Variants in CC2D1A observed in about 807,000 individuals in gnomAD.
CC2D1A encodes coiled-coil and C2 domain-containing protein 1A.
In CC2D1A, 68 loss-of-function variants were observed where a neutral mutation model predicts 123.8. That is an observed-to-expected ratio of 0.55 (90% CI 0.45 to 0.67). The LOEUF (loss-of-function observed/expected upper bound fraction) is 0.67. CC2D1A is among the 30% of genes least tolerant of loss of function. The pLI, the probability that CC2D1A is intolerant of heterozygous loss-of-function variation, is 0.00. For synonymous variants in CC2D1A, 477 were observed against 528.0 expected (o/e 0.90, Z 1.32); for missense variants, 1,185 against 1,290.3 (o/e 0.92, Z 1.25).
rs1304620367 is a variant in CC2D1A, at chr19:13,926,030, A to ATATATATATACATATATGTGTG, written c.1941-477_1941-476insCATATATGTGTGTATATATATA. On this transcript the variant is annotated intron_variant, in intron 17 of 28. Coordinates refer to ENST00000318003, the MANE Select transcript of CC2D1A (RefSeq NM_017721.5). ...TATATATATACGTATATATATGTGT[A>ATATATATATACATATATGTGTG]TATATATATATATACACGTATATAT... Among the ~76,000 whole-genome samples, 538 of 87,602 alleles carry ATATATATATACATATATGTGTG rather than the reference A, an allele frequency of 6.1e-3. 61 individuals carry two copies. The highest frequency in any genetic ancestry group is 0.036 in the African/African-American group (487 of 13,546). The allele number at this position is 87,602 out of a possible 152,430, so 57.5% of individuals were successfully genotyped here. A position where few individuals can be genotyped will look rare whatever the true frequency, so the allele number is the denominator to read the frequency against.
At chr19:13,913,353 C>G (rs750683841) in intron 5 of CC2D1A, 51 bp downstream of exon 5, 11 of 1,607,826 alleles carry the variant, frequency 6.8e-6, no homozygotes, top group Non-Finnish European at 8.5e-6. Flanking sequence ...CCCCGATGCC[C>G]TGCACCAAGC....
intron 2 of CC2D1A, among the ~76,000 whole-genome samples, chr19:13,911,706 A>ATTT (rs1055273535): frequency 1.9e-4 from 17 of 88,552 alleles, no homozygotes; most frequent in Non-Finnish European, 3.1e-4. Context: ...TGCCCAGCTA[A>ATTT]TTTTTTTTTT....
At chr19:13,914,533 ACT>A (rs1971132870) in intron 6 of CC2D1A, among the ~76,000 whole-genome samples, 1 of 150,422 alleles carries the variant, frequency 6.6e-6, no homozygotes, top group Admixed American at 6.7e-5. Flanking sequence ...ACGGGGTTTC[ACT>A]GTGTTAGCCA....
At chr19:13,907,535 T>C (rs1053193830) in intron 1 of CC2D1A, among the ~76,000 whole-genome samples, 3 of 152,098 alleles carry the variant, frequency 2.0e-5, no homozygotes, top group African/African-American at 7.2e-5. Context: ...TAGCTGGGCA[T>C]GGTGGCGGGC....
At position 13,906,845 on chromosome 19, in the gene CC2D1A, C is replaced by G. The variant is rs921036336; in HGVS notation, c.60+344C>G. Among the ~76,000 whole-genome samples, 1 of 152,222 alleles carries G rather than the reference C, an allele frequency of 6.6e-6. No individual in the cohort carries two copies. Among genetic ancestry groups the G allele is most frequent in the Non-Finnish European group, 1.5e-5 (1 of 68,038 alleles). On this transcript the variant is annotated intron_variant, in intron 1 of 28. Coordinates refer to ENST00000318003, the MANE Select transcript of CC2D1A (RefSeq NM_017721.5). This position sits in a 1 kb window ranked among gnomAD's most constrained non-coding sequence, Gnocchi z 4.1. ...AGATGAGGACTTTGAGACTCAGAGA[C>G]GTGAAGACATCTGCCCAAGGTCATA...
Position 13,919,160 on chromosome 19 carries a change from G to C in CC2D1A, c.1180G>C (p.Ala394Pro). Reference sequence around the variant, plus strand: ...CCAAGATGCCATCCGAGCCCACAAGGCTGGCCGAGCCGTGGATGTCGCTGA... The same window carrying C: ...CCAAGATGCCATCCGAGCCCACAAGCCTGGCCGAGCCGTGGATGTCGCTGA... Reference protein sequence around the residue: ...QYQDAIRAHKAGRAVDVAELP... With the variant: ...QYQDAIRAHKPGRAVDVAELP... The change falls in exon 11 of 29, where the codon GCT (alanine) becomes CCT (proline). Residue 394 changes from alanine to proline, a missense_variant. Transcript: ENST00000318003. 1.2e-6 allele frequency: 2 copies of C among 1,612,650 alleles called. No individual in the cohort carries two copies. Among genetic ancestry groups the C allele is most frequent in the Non-Finnish European group, 1.7e-6 (2 of 1,179,510 alleles).
rs368763604 is a variant in CC2D1A at position 13,918,186 on chromosome 19, G to T, written c.865G>T (p.Val289Leu). Residue 289 changes from valine to leucine, a missense_variant, in exon 7 of 29, where the codon GTG becomes TTG. Transcript: ENST00000318003. The part of the protein sequence containing the change: ...DTTAAARHFR[V>L]AKSFDAVLEA... ...CACTGCTGCCGCTAGACACTTCCGC[G>T]TGGCTAAGGTGCGTCCAGCCTGACG... The T allele has an allele frequency of 1.9e-6, 3 of 1,586,826 alleles. No homozygotes were observed. Among genetic ancestry groups the T allele is most frequent in the Middle Eastern group, 1.9e-4 (1 of 5,170 alleles).
At position 13,923,351 on chromosome 19, in the gene CC2D1A, A is replaced by T. The variant is rs1333467301; in HGVS notation, c.1660A>T (p.Asn554Tyr). The T allele has an allele frequency of 1.2e-6, 2 of 1,609,500 alleles. No individual in the cohort carries two copies. Among genetic ancestry groups the T allele is most frequent in the Non-Finnish European group, 1.7e-6 (2 of 1,179,834 alleles). Residue 554 changes from asparagine to tyrosine, a missense_variant, in exon 15 of 29, where the codon AAC (asparagine) becomes TAC (tyrosine). Asn to Tyr is a moderately radical substitution (Grantham distance 143). Transcript: ENST00000318003. This position sits in a 1 kb window ranked among gnomAD's most constrained non-coding sequence, Gnocchi z 5.3. Reference sequence around the variant, plus strand: ...TCCCCAGGTGCCGCCTGCCCCTGTCAACAAGGACGACTTTGCCCTGGTCCA... The same window carrying T: ...TCCCCAGGTGCCGCCTGCCCCTGTCTACAAGGACGACTTTGCCCTGGTCCA... ...DITKVPPAPV[N>Y]KDDFALVQRP...
In CC2D1A at chr19:13,923,801, A is replaced by G; in HGVS notation, c.1930A>G (p.Ser644Gly). 1 of 1,612,864 alleles carries G rather than the reference A, an allele frequency of 6.2e-7. No homozygotes were observed. The highest frequency in any genetic ancestry group is 8.5e-7 in the Non-Finnish European group (1 of 1,178,892). Reference protein sequence around the residue: ...PTARFEQRTFSVIKIFPDLSS... With the variant: ...PTARFEQRTFGVIKIFPDLSS... ...CGCCCGCTTTGAGCAAAGGACCTTC[A>G]GCGTCATCAAGTAAGGCTCCTGATC... Residue 644 changes from serine to glycine, a missense_variant, in exon 17 of 29, where the codon AGC (serine) becomes GGC (glycine). Transcript: ENST00000318003. This position sits in a 1 kb window ranked among gnomAD's most constrained non-coding sequence, Gnocchi z 5.3.
Position 13,926,553 on chromosome 19 carries a change from C to T in CC2D1A, c.1977C>T (p.Leu659=), listed in dbSNP as rs1222388167. The T allele has an allele frequency of 1.2e-6, 2 of 1,614,060 alleles. No individual in the cohort carries two copies. Among genetic ancestry groups the T allele is most frequent in the Admixed American group, 1.7e-5 (1 of 60,006 alleles). The change falls in exon 18 of 29, where the codon CTC becomes CTT. Residue 659 remains leucine, a synonymous_variant. Transcript: ENST00000318003. ...ACCTCAGCAGCAACGACATGCTCCT[C>T]TTCATCGTGAAGGGCATCAACTTGC... ...FPDLSSNDML[L]FIVKGINLPT...
At position 13,908,633 on chromosome 19, in the gene CC2D1A, T is replaced by G. The variant is rs562072274; in HGVS notation, c.61-1190T>G. Among the ~76,000 whole-genome samples the G allele has an allele frequency of 5.3e-5, 8 of 150,840 alleles. No individual in the cohort carries two copies. In the South Asian group the frequency reaches 1.1e-3, roughly 20 times the overall value. On this transcript the variant is annotated intron_variant, in intron 1 of 28. Transcript: ENST00000318003. The stretch of plus-strand genomic sequence containing the variant: ...AGACACCGCCAGCACTCCCAGCTAA[T>G]TTTTGTATTTTTAGTAGAGACGGGG...
chr19:13,914,453 G>C (rs1009109036), intron 6 of CC2D1A, among the ~76,000 whole-genome samples: 4 of 151,270 alleles, frequency 2.6e-5, no homozygotes, highest in Non-Finnish European at 4.4e-5. Context: ...TCCTGCCTCA[G>C]CCTCCTGAGT....
chr19:13,920,690 C>T lies in CC2D1A; in HGVS notation c.1468+22C>T, dbSNP rs183605364. ...AGAGGTAAGTTCCCCCTCCCCGCCCCAGCTGCCTGTTGCCTGGCTGTGGCC... is the reference window on the plus strand; with the variant it reads ...AGAGGTAAGTTCCCCCTCCCCGCCCTAGCTGCCTGTTGCCTGGCTGTGGCC... On this transcript the variant is annotated intron_variant, in intron 13 of 28. Transcript: ENST00000318003. The T allele has an allele frequency of 2.2e-3, 3,472 of 1,608,706 alleles. 5 individuals are homozygous for T. The highest frequency in any genetic ancestry group is 2.6e-3 in the Non-Finnish European group (3,031 of 1,177,266).
At chr19:13,928,748 G>A (rs1232854825) in intron 24 of CC2D1A, among the ~76,000 whole-genome samples, 1 of 132,232 alleles carries the variant, frequency 7.6e-6, no homozygotes, top group African/African-American at 2.9e-5. Flanking sequence ...TAGCTCTGTC[G>A]CCCAGGCTAG....
In CC2D1A at chr19:13,918,196, T is replaced by G. The variant is rs1599389430; in HGVS notation, c.873+2T>G. 1 of 1,576,934 alleles carries G rather than the reference T, an allele frequency of 6.3e-7. No individual in the cohort carries two copies. Among genetic ancestry groups the G allele is most frequent in the Non-Finnish European group, 8.6e-7 (1 of 1,160,946 alleles). ...GCTAGACACTTCCGCGTGGCTAAGG[T>G]GCGTCCAGCCTGACGGACAGGACTG... On this transcript the variant is annotated splice_donor_variant, in intron 7 of 28. Transcript: ENST00000318003. LOFTEE classifies it high-confidence loss of function.
chr19:13,930,640 C>T lies in CC2D1A; in HGVS notation c.*245C>T. ...GCCCTGGAGAGTCCTGTTTGCACAGCCCAGGGGTGTCCGGCCTCTGGCCCG... is the reference window on the plus strand; with the variant it reads ...GCCCTGGAGAGTCCTGTTTGCACAGTCCAGGGGTGTCCGGCCTCTGGCCCG... On this transcript the variant is annotated 3_prime_UTR_variant, in exon 29 of 29. Coordinates refer to ENST00000318003, the MANE Select transcript of CC2D1A (RefSeq NM_017721.5). This position sits in a 1 kb window ranked among gnomAD's most constrained non-coding sequence, Gnocchi z 6.8. 1.8e-6 allele frequency: 1 copy of T among 547,802 alleles called. No homozygotes were observed. 33.9% of individuals were successfully genotyped at this position (547,802 alleles called of 1,614,324 possible). A position where few individuals can be genotyped will look rare whatever the true frequency, so the allele number is the denominator to read the frequency against.
Position 13,927,222 on chromosome 19 carries a change from T to C in CC2D1A, c.2273T>C (p.Leu758Pro). ...GTGCTGGGGACAGCCCAGCTGAAGC[T>C]GGATGCACTGGAGATAGCATGTGAG... ...DRVLGTAQLK[L>P]DALEIACEVR... The change falls in exon 22 of 29, where the codon CTG becomes CCG. Residue 758 changes from leucine (L) to proline (P), a missense_variant. Physicochemically the swap from Leu to Pro is moderately conservative, Grantham distance 98. Coordinates refer to ENST00000318003, the MANE Select transcript of CC2D1A (RefSeq NM_017721.5). 1 of 1,614,044 alleles carries C rather than the reference T, an allele frequency of 6.2e-7. No homozygotes were observed. The highest frequency in any genetic ancestry group is 8.5e-7 in the Non-Finnish European group (1 of 1,179,998).
intron 1 of CC2D1A, among the ~76,000 whole-genome samples, chr19:13,907,492 G>A (rs973929580): frequency 1.4e-4 from 21 of 152,040 alleles, no homozygotes; most frequent in Admixed American, 9.2e-4. Context: ...GGAGGCCATG[G>A]CGAAACCCCA....
At chr19:13,927,797 C>CAAAA in intron 22 of CC2D1A, 96 bp from the exon 23 acceptor site, 1 of 995,690 alleles carries the variant, frequency 1.0e-6, no homozygotes, top group African/African-American at 1.7e-5. Context: ...AAAAAAAAAC[C>CAAAA]AAAAAAAAAA....
Sources: gnomAD v4.1 joint callset for allele counts (sites outside exome capture counted in the v4.1 genomes callset) on GRCh38, gnomAD v4.1.1 for gene constraint, Gnocchi (gnomAD v3.1) non-coding constraint, MANE v1.5 for transcripts, NCBI Gene and HGNC (gene_info 2026-07-23, HGNC 2026-07-21) for gene names.